The following ABCA13 variants were observed in gnomAD, a reference collection of about 807,000 sequenced individuals.
ABCA13 encodes ATP-binding cassette sub-family A member 13.
In ABCA13, 476 loss-of-function variants were observed where a neutral mutation model predicts 478.7. The observed-to-expected ratio is 0.99, with a 90% CI of 0.92 to 1.07. The LOEUF is 1.07. Ranked by LOEUF, ABCA13 falls within the 50% of genes least tolerant of loss-of-function variation. The probability of loss-of-function intolerance (pLI) is 0.00; values close to 1 mark genes in which losing one functional copy is unlikely to be tolerated. For synonymous variants in ABCA13, 2,252 were observed against 2,158.9 expected (o/e 1.04, Z -1.20); for missense variants, 6,060 against 5,910.6 (o/e 1.03, Z -0.83).
chr7:48,615,655 G>T (rs1182203610), intron 59 of ABCA13, among the ~76,000 whole-genome samples: 1 of 152,170 alleles, frequency 6.6e-6, no homozygotes, highest in Admixed American at 6.5e-5. Context: ...TGGTAGGGGT[G>T]AGAATAAGAT....
At chr7:48,518,166 A>T (rs969964662) in intron 52 of ABCA13, among the ~76,000 whole-genome samples, 2 of 152,206 alleles carry the variant, frequency 1.3e-5, no homozygotes, top group African/African-American at 4.8e-5. Context: ...TTGCAGAACC[A>T]TTGATTGGCT....
intron 42 of ABCA13, among the ~76,000 whole-genome samples, chr7:48,432,904 A>C (rs1220683369): frequency 1.3e-5 from 2 of 152,104 alleles, no homozygotes; most frequent in Admixed American, 1.3e-4. Context: ...ATTGTACAAC[A>C]TGGTGACTGT....
intron 31 of ABCA13, among the ~76,000 whole-genome samples, chr7:48,362,887 T>G (rs952282986): frequency 1.3e-5 from 2 of 152,144 alleles, no homozygotes; most frequent in Non-Finnish European, 2.9e-5. Flanking sequence ...GCCAATATTT[T>G]AAAAAATAGT....
chr7:48,598,186 A>T (rs1294219838), intron 58 of ABCA13, among the ~76,000 whole-genome samples: 1 of 152,168 alleles, frequency 6.6e-6, no homozygotes, highest in Non-Finnish European at 1.5e-5. Context: ...ATATAGTTGG[A>T]ATCATATAGT....
At chr7:48,261,007 T>TA (rs1050930986) in intron 15 of ABCA13, among the ~76,000 whole-genome samples, 1 of 151,964 alleles carries the variant, frequency 6.6e-6, no homozygotes, top group Non-Finnish European at 1.5e-5. Flanking sequence ...CTTTTTTTTT[T>TA]ACTCTCAAAT....
At chr7:48,255,813 T>A (rs1051858187) in intron 15 of ABCA13, among the ~76,000 whole-genome samples, 10 of 152,200 alleles carry the variant, frequency 6.6e-5, no homozygotes, top group African/African-American at 2.2e-4. Context: ...TACATTCCTT[T>A]GGGTATATAC....
At chr7:48,361,752 C>A (rs1297561179) in intron 31 of ABCA13, among the ~76,000 whole-genome samples, 1 of 151,684 alleles carries the variant, frequency 6.6e-6, no homozygotes, top group Non-Finnish European at 1.5e-5. Flanking sequence ...TTTCTAGATG[C>A]ATGCAGTACA....
intron 15 of ABCA13, among the ~76,000 whole-genome samples, chr7:48,249,607 T>G (rs1470825629): frequency 6.6e-6 from 1 of 152,188 alleles, no homozygotes; most frequent in African/African-American, 2.4e-5. Context: ...CTCTCAAGAC[T>G]GTCCTGGTTT....
intron 1 of ABCA13, among the ~76,000 whole-genome samples, chr7:48,187,309 T>A (rs1056000175): frequency 2.0e-5 from 3 of 148,596 alleles, no homozygotes; most frequent in African/African-American, 7.4e-5. Context: ...GTAGTAGTAA[T>A]AGTTTATTTT....
intron 38 of ABCA13, among the ~76,000 whole-genome samples, chr7:48,397,471 A>C (rs1816993906): frequency 6.6e-6 from 1 of 152,066 alleles, no homozygotes; most frequent in Non-Finnish European, 1.5e-5. Context: ...AAAAAATTAA[A>C]ATTGTAAAAA....
chr7:48,274,113 A>G lies in ABCA13; in HGVS notation c.4447A>G (p.Lys1483Glu), dbSNP rs1304440292. ...TACTACAGTCTTTGAAAAAGAGAAG[A>G]AACCTAAATTTGAGATTTTATTAGC... The part of the protein sequence containing the change: ...VLTTVFEKEK[K>E]PKFEILLALL... Residue 1483 changes from lysine (K) to glutamate (E), a missense_variant, in exon 17 of 62, where the codon AAA (lysine) becomes GAA (glutamate). Coordinates refer to ENST00000435803, the MANE Select transcript of ABCA13 (RefSeq NM_152701.5). The G allele has an allele frequency of 1.2e-6, 2 of 1,606,910 alleles. No homozygotes were observed. Among genetic ancestry groups the G allele is most frequent in the South Asian group, 1.1e-5 (1 of 89,540 alleles).
intron 59 of ABCA13, among the ~76,000 whole-genome samples, chr7:48,635,416 G>A (rs1364152242): frequency 6.6e-6 from 1 of 152,110 alleles, no homozygotes; most frequent in Non-Finnish European, 1.5e-5. Flanking sequence ...GAACACTCAT[G>A]GGAGAGGGAG....
rs1563208839 is a variant in ABCA13 at position 48,411,043 on chromosome 7, CTTT to C, written c.12228+367_12228+369del. Among the ~76,000 whole-genome samples, 443 of 89,348 alleles carry C rather than the reference CTTT, an allele frequency of 5.0e-3. 1 individual carries two copies. Among genetic ancestry groups the C allele is most frequent in the Non-Finnish European group, 5.6e-3 (227 of 40,704 alleles). The allele number at this position is 89,348 out of a possible 152,430, so 58.6% of individuals were successfully genotyped here. On this transcript the variant is annotated intron_variant, in intron 40 of 61. Transcript: ENST00000435803. ...TCTTTCTTTCTTTCTTTCTTTCTTTCTTTCTTTTTCTTTCTTTCTTTCTTTCTT... is the reference window on the plus strand; with the variant it reads ...TCTTTCTTTCTTTCTTTCTTTCTTTCCTTTTTCTTTCTTTCTTTCTTTCTT...
intron 3 of ABCA13, among the ~76,000 whole-genome samples, chr7:48,202,515 A>G (rs1007380929): frequency 2.7e-5 from 4 of 149,756 alleles, no homozygotes; most frequent in Non-Finnish European, 5.9e-5. Context: ...GAGCAGCTAG[A>G]TACAGAGTGT....
At chr7:48,318,376 T>G (rs923609196) in intron 27 of ABCA13, among the ~76,000 whole-genome samples, 4 of 152,164 alleles carry the variant, frequency 2.6e-5, no homozygotes, top group Admixed American at 6.6e-5. Context: ...AGAGACAGAC[T>G]CTGGCTCTGT....
At chr7:48,415,719 A>G (rs1819885197) in intron 41 of ABCA13, among the ~76,000 whole-genome samples, 1 of 152,172 alleles carries the variant, frequency 6.6e-6, no homozygotes. Flanking sequence ...TCAATATTTT[A>G]TGAATTTAAA....
chr7:48,586,514 G>A (rs1789193944), intron 56 of ABCA13, among the ~76,000 whole-genome samples: 3 of 152,064 alleles, frequency 2.0e-5, no homozygotes, highest in South Asian at 4.2e-4. Flanking sequence ...CGTTTATAGG[G>A]GGGAGCTTAA....
chr7:48,234,204 T>A (rs1789601897), intron 8 of ABCA13, 53 bp downstream of exon 8: 1 of 1,612,418 alleles, frequency 6.2e-7, no homozygotes, highest in African/African-American at 1.3e-5. Flanking sequence ...GGAGACTGGA[T>A]CTAGAGCATG....
rs367611926 is a variant in ABCA13 at position 48,174,096 on chromosome 7, C to T, written c.69+2544C>T. ...AATGTCTTTAAACTGACCTATTTTTCACAGCATTCTCCCATTCTCCAATGA... is the reference window on the plus strand; with the variant it reads ...AATGTCTTTAAACTGACCTATTTTTTACAGCATTCTCCCATTCTCCAATGA... On this transcript the variant is annotated intron_variant, in intron 1 of 61. Coordinates refer to ENST00000435803, the MANE Select transcript of ABCA13 (RefSeq NM_152701.5). Among the ~76,000 whole-genome samples, 17 of 152,306 alleles carry T rather than the reference C, an allele frequency of 1.1e-4. No individual in the cohort carries two copies. In the East Asian group the frequency reaches 2.9e-3, roughly 26 times the overall value.
Sources: gnomAD v4.1 joint callset for allele counts (sites outside exome capture counted in the v4.1 genomes callset) on GRCh38, gnomAD v4.1.1 for gene constraint, MANE v1.5 for transcripts, NCBI Gene and HGNC (gene_info 2026-07-23, HGNC 2026-07-21) for gene names.